Variants in ZNF23 observed in about 807,000 individuals in gnomAD.
The protein encoded by ZNF23 is kruppel-like zinc finger factor X31.
A neutral mutation model predicts 56.2 loss-of-function variants in ZNF23; 48 were observed. The observed-to-expected ratio is 0.85, with a 90% CI of 0.68 to 1.09. The LOEUF (loss-of-function observed/expected upper bound fraction) is 1.09. Among genes scored for constraint, ZNF23 ranks in the 50% least tolerant of loss-of-function variants. ZNF23 has a pLI of 0.00. For synonymous variants in ZNF23, 266 were observed against 283.3 expected (o/e 0.94, Z 0.61); for missense variants, 805 against 811.4 (o/e 0.99, Z 0.10).
At chr16:71,452,970 C>T (rs1174832291) in intron 4 of ZNF23, among the ~76,000 whole-genome samples, 1 of 152,170 alleles carries the variant, frequency 6.6e-6, no homozygotes, top group Non-Finnish European at 1.5e-5. Flanking sequence ...ACTACTGAGT[C>T]CCTTAATTTT....
At chr16:71,456,295 C>T (rs776011043) in intron 2 of ZNF23, among the ~76,000 whole-genome samples, 23 of 152,100 alleles carry the variant, frequency 1.5e-4, no homozygotes, top group Non-Finnish European at 2.9e-4. Flanking sequence ...TGACTGTCTT[C>T]CCCCTCCCTT....
Position 71,448,757 on chromosome 16 carries a change from T to C in ZNF23, c.1397A>G (p.Asn466Ser), listed in dbSNP as rs1567559693. Reference protein sequence around the residue: ...IHTGEKPYECNECGKAFRCNS... With the variant: ...IHTGEKPYECSECGKAFRCNS... ...ACATCTGAAGGCTTTCCCGCATTCA[T>C]TACACTCATAGGGTTTCTCGCCTGT... Residue 466 changes from asparagine to serine, a missense_variant, in exon 5 of 5, where the codon AAT becomes AGT. Coordinates refer to ENST00000647773, the MANE Select transcript of ZNF23 (RefSeq NM_001381984.1). The C allele has an allele frequency of 1.2e-6, 2 of 1,614,224 alleles. No homozygotes were observed. Among genetic ancestry groups the C allele is most frequent in the Middle Eastern group, 1.6e-4 (1 of 6,062 alleles).
intron 4 of ZNF23, chr16:71,450,630 A>C (rs1361561884): frequency 2.4e-6 from 1 of 423,224 alleles, no homozygotes; most frequent in Non-Finnish European, 4.8e-6. Context: ...GAGGCAGGAG[A>C]ATTGCTCGAA....
At chr16:71,449,971 CA>C (rs1196593189) in intron 4 of ZNF23, 86 bp from the exon 5 acceptor site, 2 of 1,106,870 alleles carry the variant, frequency 1.8e-6, no homozygotes, top group African/African-American at 1.6e-5. Context: ...CCATAATAAT[CA>C]GGGGGCTCCT....
chr16:71,449,903 C>A lies in ZNF23; in HGVS notation c.269-18G>T. On this transcript the variant is annotated intron_variant, in intron 4 of 4. Coordinates refer to ENST00000647773, the MANE Select transcript of ZNF23 (RefSeq NM_001381984.1). ...AATATCTACTATAAAAAACAGAAAA[C>A]ATAAAATGTCATGTAAGAACCATGT... is the stretch of plus-strand genomic sequence containing the variant. 6.5e-7 allele frequency: 1 copy of A among 1,546,020 alleles called. No individual in the cohort carries two copies. Among genetic ancestry groups the A allele is most frequent in the South Asian group, 1.2e-5 (1 of 80,018 alleles).
Position 71,448,797 on chromosome 16 carries a change from G to A in ZNF23, c.1357C>T (p.His453Tyr). 1.2e-6 allele frequency: 2 copies of A among 1,614,222 alleles called. No homozygotes were observed. The highest frequency in any genetic ancestry group is 1.7e-6 in the Non-Finnish European group (2 of 1,180,038). ...TTCTCGCCTGTGTGAATTCTCTGGT[G>A]TTGGATTAACTTCCCTTTGACACTG... The part of the protein sequence containing the change: ...AFSVKGKLIQ[H>Y]QRIHTGEKPY... The change falls in exon 5 of 5, where the codon CAC becomes TAC. Residue 453 changes from histidine (H) to tyrosine (Y), a missense_variant. Transcript: ENST00000647773.
intron 2 of ZNF23, 76 bp downstream of exon 2, chr16:71,456,688 G>A: frequency 1.0e-6 from 1 of 986,202 alleles, no homozygotes; most frequent in Non-Finnish European, 1.2e-6. Context: ...TCATCCCGAG[G>A]CTCACCAGCT....
rs1292649833 is a variant in ZNF23, at chr16:71,453,353, G to C, written c.161-3C>G. 4 of 1,584,864 alleles carry C rather than the reference G, an allele frequency of 2.5e-6. No homozygotes were observed. The highest frequency in any genetic ancestry group is 1.3e-5 in the African/African-American group (1 of 74,270). ...AGCAGGTTTGAGAAGTGGAAATCCT[G>C]GTTTGGGAGAGGTAAATAGGAGAGA... On this transcript the variant is annotated splice_region_variant and splice_polypyrimidine_tract_variant and intron_variant, in intron 3 of 4. Coordinates refer to ENST00000647773, the MANE Select transcript of ZNF23 (RefSeq NM_001381984.1).
chr16:71,459,743 G>A (rs2043372600), intron 1 of ZNF23, among the ~76,000 whole-genome samples: 1 of 152,126 alleles, frequency 6.6e-6, no homozygotes, highest in Non-Finnish European at 1.5e-5. Context: ...GTTTACTGTT[G>A]CTAATTTCTT....
At chr16:71,449,913 C>T (rs1567560967) in intron 4 of ZNF23, 28 bp from the exon 5 acceptor site, 11 of 1,521,244 alleles carry the variant, frequency 7.2e-6, no homozygotes, top group Non-Finnish European at 9.7e-6. Context: ...CATAAAATGT[C>T]ATGTAAGAAC....
intron 1 of ZNF23, among the ~76,000 whole-genome samples, chr16:71,460,730 G>C (rs2043414167): frequency 6.6e-6 from 1 of 152,104 alleles, no homozygotes; most frequent in Admixed American, 6.5e-5. Flanking sequence ...ATAAATCAAA[G>C]AAAGATAAAC....
chr16:71,453,379 C>G (rs370912895), intron 3 of ZNF23, 29 bp from the exon 4 acceptor site: 4 of 1,497,194 alleles, frequency 2.7e-6, no homozygotes, highest in Non-Finnish European at 3.7e-6. Context: ...ATAGGAGAGA[C>G]AGATGAATAA....
chr16:71,457,864 A>ATGC (rs1461533794), intron 1 of ZNF23, among the ~76,000 whole-genome samples: 2 of 152,222 alleles, frequency 1.3e-5, no homozygotes, highest in Non-Finnish European at 2.9e-5. Flanking sequence ...CAACACAAGC[A>ATGC]TTATCTTCAG....
chr16:71,455,915 CT>C, intron 2 of ZNF23, among the ~76,000 whole-genome samples: 1 of 152,308 alleles, frequency 6.6e-6, no homozygotes, highest in Admixed American at 6.5e-5. Flanking sequence ...CTCTACTCCC[CT>C]TTTGCCTTTT....
intron 2 of ZNF23, among the ~76,000 whole-genome samples, chr16:71,455,844 A>G (rs576484599): frequency 2.6e-5 from 4 of 152,200 alleles, no homozygotes; most frequent in East Asian, 1.9e-4. Context: ...CTGGTTCCAC[A>G]GCTGTCTTAT....
chr16:71,449,049 G>A lies in ZNF23; in HGVS notation c.1105C>T (p.His369Tyr), dbSNP rs754135631. The A allele has an allele frequency of 1.9e-6, 3 of 1,614,166 alleles. No individual in the cohort carries two copies. The highest frequency in any genetic ancestry group is 2.2e-5 in the South Asian group (2 of 91,076). Residue 369 changes from histidine to tyrosine, a missense_variant, in exon 5 of 5, where the codon CAT becomes TAT. Transcript: ENST00000647773. ...AFNVNAKLIQHQRIHTGEKPY... is the reference protein window; with the variant it reads ...AFNVNAKLIQYQRIHTGEKPY... ...TTCTCTCCAGTATGGATTCTCTGAT[G>A]TTGAATTAATTTTGCATTAACATTG...
chr16:71,451,160 A>C (rs2043045176), intron 4 of ZNF23: 1 of 152,258 alleles, frequency 6.6e-6, no homozygotes, highest in Non-Finnish European at 1.5e-5. Context: ...TTCCCTAAAA[A>C]TCTTTTTATA....
At position 71,456,844 on chromosome 16, in the gene ZNF23, AAG is replaced by A. The variant is rs1481365920; in HGVS notation, c.-32-18_-32-17del. The A allele has an allele frequency of 2.1e-6, 2 of 972,388 alleles. No individual in the cohort carries two copies. Among genetic ancestry groups the A allele is most frequent in the African/African-American group, 1.8e-5 (1 of 56,968 alleles). 60.2% of individuals were successfully genotyped at this position (972,388 alleles called of 1,614,324 possible). A position where few individuals can be genotyped will look rare whatever the true frequency, so the allele number is the denominator to read the frequency against. On this transcript the variant is annotated splice_polypyrimidine_tract_variant and intron_variant, in intron 1 of 4. Coordinates refer to ENST00000647773, the MANE Select transcript of ZNF23 (RefSeq NM_001381984.1). ...AGGGCTGGAGCTAAGGAGAAACACA[AAG>A]AGAGACAAGTGTGAGGCAAGCCACC...
chr16:71,457,557 C>T (rs1433205623), intron 1 of ZNF23, among the ~76,000 whole-genome samples: 3 of 150,736 alleles, frequency 2.0e-5, no homozygotes, highest in South Asian at 2.1e-4. Context: ...AGCAAGACTC[C>T]GTCTCAAAAA....
Sources: allele counts gnomAD v4.1 joint callset (sites outside exome capture counted in the v4.1 genomes callset), GRCh38; gene constraint gnomAD v4.1.1; transcripts MANE v1.5; gene names NCBI Gene and HGNC (gene_info 2026-07-23, HGNC 2026-07-21).